Variants in DENND5A observed in about 807,000 individuals in gnomAD.
DENND5A encodes DENN domain-containing protein 5A.
In DENND5A, 64 loss-of-function variants were observed where a neutral mutation model predicts 140.3. The observed-to-expected ratio is 0.46, with a 90% CI of 0.37 to 0.56. The LOEUF is 0.56. Ranked by LOEUF, DENND5A falls within the 20% of genes least tolerant of loss-of-function variation. The pLI, the probability that DENND5A is intolerant of heterozygous loss-of-function variation, is 0.00. For synonymous variants in DENND5A, 605 were observed against 607.7 expected (o/e 1.00, Z 0.07); for missense variants, 1,292 against 1,593.8 (o/e 0.81, Z 3.22).
intron 1 of DENND5A, among the ~76,000 whole-genome samples, chr11:9,210,468 C>T (rs903176780): frequency 2.6e-5 from 4 of 152,084 alleles, no homozygotes; most frequent in African/African-American, 9.7e-5. Flanking sequence ...TTTTTTAAAG[C>T]ATACATGCCT....
At chr11:9,152,834 T>C (rs966197339) in intron 12 of DENND5A, among the ~76,000 whole-genome samples, 2 of 147,936 alleles carry the variant, frequency 1.4e-5, no homozygotes, top group African/African-American at 5.0e-5. Context: ...TGAAACCCTG[T>C]CTCTACTAAA....
At chr11:9,184,758 T>C (rs1305838094) in intron 5 of DENND5A, among the ~76,000 whole-genome samples, 2 of 152,268 alleles carry the variant, frequency 1.3e-5, no homozygotes, top group African/African-American at 4.8e-5. Flanking sequence ...TCTTATGCCA[T>C]GTTTCTATTG....
At chr11:9,164,056 G>GTTTTTTTTTTTTTTTTTT (rs768604681) in intron 11 of DENND5A, among the ~76,000 whole-genome samples, 3 of 57,956 alleles carry the variant, frequency 5.2e-5, no homozygotes, top group African/African-American at 6.4e-5. Context: ...TATTAATCAG[G>GTTTTTTTTTTTTTTTTTT]TTTTTTTTTT....
intron 1 of DENND5A, among the ~76,000 whole-genome samples, chr11:9,254,900 A>C (rs1268920077): frequency 2.0e-5 from 3 of 151,372 alleles, no homozygotes; most frequent in Non-Finnish European, 3.0e-5. Flanking sequence ...GTGAAACCCC[A>C]TCTCTACTAA....
chr11:9,261,223 G>T (rs958081180), intron 1 of DENND5A, among the ~76,000 whole-genome samples: 7 of 152,146 alleles, frequency 4.6e-5, no homozygotes, highest in Non-Finnish European at 1.0e-4. Context: ...GGAACACCGA[G>T]CATCTTTGAT....
At chr11:9,240,205 C>T (rs557170522) in intron 1 of DENND5A, among the ~76,000 whole-genome samples, 4 of 151,518 alleles carry the variant, frequency 2.6e-5, no homozygotes, top group Admixed American at 1.3e-4. Context: ...ACCAGCCTGG[C>T]CAACATGGTG....
intron 5 of DENND5A, among the ~76,000 whole-genome samples, chr11:9,188,049 G>A (rs1253455461): frequency 1.3e-5 from 2 of 152,178 alleles, no homozygotes; most frequent in African/African-American, 4.8e-5. Context: ...TGCCGGATAT[G>A]GTTTGGCTGT....
intron 1 of DENND5A, among the ~76,000 whole-genome samples, chr11:9,231,707 C>T (rs1590311024): frequency 7.4e-5 from 2 of 26,980 alleles, no homozygotes; most frequent in East Asian, 1.6e-3. Context: ...AAGAGCGAAA[C>T]TCCGTCTCAA....
chr11:9,262,870 T>C (rs1252558873), intron 1 of DENND5A, among the ~76,000 whole-genome samples: 1 of 151,810 alleles, frequency 6.6e-6, no homozygotes, highest in East Asian at 1.9e-4. Flanking sequence ...GCCTCCTGAG[T>C]AGCTGGGACT....
chr11:9,223,641 C>A (rs1850409180), intron 1 of DENND5A, among the ~76,000 whole-genome samples: 1 of 152,048 alleles, frequency 6.6e-6, no homozygotes, highest in South Asian at 2.1e-4. Flanking sequence ...ATTGCTCGAG[C>A]CAGGGAGACT....
chr11:9,165,775 C>A, intron 11 of DENND5A, 61 bp downstream of exon 11: 2 of 1,592,820 alleles, frequency 1.3e-6, no homozygotes, highest in Non-Finnish European at 1.7e-6. Flanking sequence ...CAGAGCCAAT[C>A]CTTGGTCTTA....
rs567755855 is a variant in DENND5A at position 9,209,331 on chromosome 11, C to T, written c.110-1699G>A. On this transcript the variant is annotated intron_variant, in intron 1 of 22. Coordinates refer to ENST00000328194, the MANE Select transcript of DENND5A (RefSeq NM_015213.4). ...ATGCATGTGTGAGAAGATAGGAAAG[C>T]TGAGTGATTAAGGGGAGAACTTTTT... Among the ~76,000 whole-genome samples, 5 of 152,226 alleles carry T rather than the reference C, an allele frequency of 3.3e-5. No individual in the cohort carries two copies. The East Asian group carries it at 9.6e-4, about 29-fold the overall frequency.
chr11:9,193,194 C>T (rs148919970), intron 5 of DENND5A, among the ~76,000 whole-genome samples: 7 of 152,224 alleles, frequency 4.6e-5, no homozygotes, highest in East Asian at 3.9e-4. Context: ...TGCTACTGCA[C>T]CCAGCCTGGG....
At chr11:9,263,815 G>C (rs1256078002) in intron 1 of DENND5A, among the ~76,000 whole-genome samples, 2 of 127,698 alleles carry the variant, frequency 1.6e-5, no homozygotes, top group Admixed American at 1.8e-4. Flanking sequence ...GCAGTCCGCA[G>C]TCCGGCCTGG....
At chr11:9,151,966 G>C (rs1847630114) in intron 13 of DENND5A, among the ~76,000 whole-genome samples, 2 of 152,314 alleles carry the variant, frequency 1.3e-5, no homozygotes, top group Admixed American at 1.3e-4. Context: ...GTCCAAGGAA[G>C]GACACTGACC....
intron 1 of DENND5A, among the ~76,000 whole-genome samples, chr11:9,258,042 C>T (rs1369693851): frequency 6.6e-6 from 1 of 152,130 alleles, no homozygotes; most frequent in Non-Finnish European, 1.5e-5. Flanking sequence ...ATCCACCCAC[C>T]TCAACCTCCC....
intron 5 of DENND5A, among the ~76,000 whole-genome samples, chr11:9,187,171 G>C (rs989423220): frequency 6.6e-6 from 1 of 152,140 alleles, no homozygotes; most frequent in Admixed American, 6.5e-5. Context: ...TCAATTACTA[G>C]ACTCATACAA....
At position 9,170,634 on chromosome 11, in the gene DENND5A, T is replaced by C. The variant is rs1377065655; in HGVS notation, c.2050A>G (p.Ser684Gly). Residue 684 changes from serine to glycine, a missense_variant, in exon 9 of 23, where the codon AGC becomes GGC. Coordinates refer to ENST00000328194, the MANE Select transcript of DENND5A (RefSeq NM_015213.4). ...TCCCTGGGGTTGACTCACTTGTTGCTGGCTGGCCCAGTGGAAAGTACATCA... is the reference window on the plus strand; with the variant it reads ...TCCCTGGGGTTGACTCACTTGTTGCCGGCTGGCCCAGTGGAAAGTACATCA... The part of the protein sequence containing the change: ...QSDVLSTGPA[S>G]NKWTKRNAPA... 9 of 1,613,900 alleles carry C rather than the reference T, an allele frequency of 5.6e-6. No homozygotes were observed. In the Admixed American group the frequency reaches 8.3e-5, roughly 15 times the overall value.
chr11:9,216,240 A>C (rs1392139095), intron 1 of DENND5A, among the ~76,000 whole-genome samples: 1 of 152,216 alleles, frequency 6.6e-6, no homozygotes. Flanking sequence ...TCATCTCTAA[A>C]GGTTTTTCCA....
Sources: gnomAD v4.1 joint callset for allele counts (sites outside exome capture counted in the v4.1 genomes callset) on GRCh38, gnomAD v4.1.1 for gene constraint, MANE v1.5 for transcripts, NCBI Gene and HGNC (gene_info 2026-07-23, HGNC 2026-07-21) for gene names.